Variants in ME3 observed in about 807,000 individuals in gnomAD.
The protein encoded by ME3 is NADP-dependent malic enzyme, mitochondrial.
ME3 carries 48 observed loss-of-function variants against 68.9 expected under a neutral mutation model. The observed-to-expected ratio is 0.70, with a 90% CI of 0.55 to 0.89. ME3 has a LOEUF of 0.89. Among genes scored for constraint, ME3 ranks in the 40% least tolerant of loss-of-function variants. The pLI is 0.00. For missense variants in ME3, 675 were observed against 797.4 expected (o/e 0.85, Z 1.85); for synonymous variants, 320 against 318.8 (o/e 1.00, Z -0.04).
chr11:86,470,438 C>CT (rs59633555), intron 7 of ME3, among the ~76,000 whole-genome samples: 5 of 151,718 alleles, frequency 3.3e-5, no homozygotes, highest in African/African-American at 4.8e-5. Context: ...AACTCTTGGT[C>CT]TTTTTTTTTC....
intron 4 of ME3, among the ~76,000 whole-genome samples, chr11:86,529,873 C>T (rs550148006): frequency 2.6e-5 from 4 of 152,232 alleles, no homozygotes; most frequent in African/African-American, 9.6e-5. Context: ...TAAGGGTTGT[C>T]TATGACAAAC....
At chr11:86,646,699 G>A (rs1945039266) in intron 2 of ME3, among the ~76,000 whole-genome samples, 1 of 152,016 alleles carries the variant, frequency 6.6e-6, no homozygotes. Context: ...GAAATGCAGA[G>A]AACAAAACTA....
At chr11:86,652,529 G>C (rs534740485) in intron 2 of ME3, among the ~76,000 whole-genome samples, 15 of 152,082 alleles carry the variant, frequency 9.9e-5, no homozygotes, top group East Asian at 3.9e-4. Context: ...AAATACTTGA[G>C]AGACAAGCAA....
chr11:86,653,197 G>C (rs1487435586), intron 2 of ME3, among the ~76,000 whole-genome samples: 1 of 152,050 alleles, frequency 6.6e-6, no homozygotes, highest in African/African-American at 2.4e-5. Context: ...GAGACAGAAA[G>C]TTAACAAGGA....
intron 2 of ME3, among the ~76,000 whole-genome samples, chr11:86,649,022 T>C (rs1945223704): frequency 6.6e-6 from 1 of 151,872 alleles, no homozygotes; most frequent in African/African-American, 2.4e-5. Context: ...AAAAAGAAAA[T>C]TTCAGGCCAA....
At chr11:86,548,394 A>G (rs1439263100) in intron 4 of ME3, among the ~76,000 whole-genome samples, 1 of 152,164 alleles carries the variant, frequency 6.6e-6, no homozygotes, top group Non-Finnish European at 1.5e-5. Context: ...TATGCTTTGG[A>G]AGGACTCCTC....
chr11:86,451,072 A>G (rs939013650), intron 8 of ME3, among the ~76,000 whole-genome samples: 10 of 152,230 alleles, frequency 6.6e-5, no homozygotes, highest in Admixed American at 3.9e-4. Context: ...GTTGGCACCA[A>G]CTAGAAGTGT....
chr11:86,448,175 C>T, exon 11 of ME3: 2 of 1,614,018 alleles, frequency 1.2e-6, no homozygotes, highest in Admixed American at 1.7e-5. Flanking sequence ...GCTTCACCAG[C>T]CTCACCACCT....
intron 2 of ME3, among the ~76,000 whole-genome samples, chr11:86,590,251 C>G (rs917609650): frequency 3.9e-5 from 6 of 152,218 alleles, no homozygotes; most frequent in Non-Finnish European, 7.3e-5. Context: ...CCTATCTACT[C>G]AGCATCTACT....
chr11:86,527,230 G>T (rs1954829180), intron 4 of ME3, among the ~76,000 whole-genome samples: 1 of 152,216 alleles, frequency 6.6e-6, no homozygotes, highest in Non-Finnish European at 1.5e-5. Flanking sequence ...ACAAGCCTCA[G>T]TAGCTGATTG....
At chr11:86,591,349 G>A (rs1959045960) in intron 2 of ME3, among the ~76,000 whole-genome samples, 1 of 152,196 alleles carries the variant, frequency 6.6e-6, no homozygotes, top group Non-Finnish European at 1.5e-5. Flanking sequence ...CTCACAATAT[G>A]ATTGTATTTA....
rs112665785 is a variant in ME3 at position 86,619,605 on chromosome 11, C to T, written c.183+52157G>A. Reference sequence around the variant, plus strand: ...GATCTGATGGTTTTATAAGGGGAAACCCCTTTTGCTTGGTTCTCATTCTTT... The same window carrying T: ...GATCTGATGGTTTTATAAGGGGAAATCCCTTTTGCTTGGTTCTCATTCTTT... On this transcript the variant is annotated intron_variant, in intron 2 of 14. Coordinates refer to ENST00000543262, the Ensembl canonical transcript of ME3. Among the ~76,000 whole-genome samples the T allele has an allele frequency of 5.3e-3, 810 of 152,282 alleles. 3 individuals are homozygous for T. Among genetic ancestry groups the T allele is most frequent in the African/African-American group, 0.018 (756 of 41,566 alleles).
intron 2 of ME3, among the ~76,000 whole-genome samples, chr11:86,663,336 C>T (rs925374965): frequency 6.6e-6 from 1 of 152,150 alleles, no homozygotes; most frequent in African/African-American, 2.4e-5. Flanking sequence ...TTACTCTTTA[C>T]TGTGTCCTTT....
intron 2 of ME3, among the ~76,000 whole-genome samples, chr11:86,641,339 C>A (rs1038358546): frequency 1.3e-5 from 2 of 152,184 alleles, no homozygotes; most frequent in South Asian, 4.1e-4. Context: ...GCTAATGAAG[C>A]ACTTCCTCTC....
At chr11:86,603,639 TGC>T (rs1961105684) in intron 2 of ME3, among the ~76,000 whole-genome samples, 2 of 152,078 alleles carry the variant, frequency 1.3e-5, no homozygotes, top group Admixed American at 6.6e-5. Context: ...TAAAGACACA[TGC>T]ATACATATGT....
chr11:86,535,127 G>A (rs1029783969), intron 4 of ME3, among the ~76,000 whole-genome samples: 1 of 152,104 alleles, frequency 6.6e-6, no homozygotes, highest in Non-Finnish European at 1.5e-5. Flanking sequence ...CATTTTACCT[G>A]TATTTGTCCT....
chr11:86,500,827 T>A (rs1952674924), intron 5 of ME3, among the ~76,000 whole-genome samples: 1 of 152,110 alleles, frequency 6.6e-6, no homozygotes, highest in Non-Finnish European at 1.5e-5. Flanking sequence ...GCAGCATAAA[T>A]CCTGCCCATT....
At chr11:86,490,747 C>T (rs1041337102) in intron 6 of ME3, among the ~76,000 whole-genome samples, 14 of 152,244 alleles carry the variant, frequency 9.2e-5, no homozygotes, top group Admixed American at 4.6e-4. Context: ...TTCACTTTGG[C>T]AGTTCTTACA....
chr11:86,540,222 A>G (rs527796079), intron 4 of ME3, among the ~76,000 whole-genome samples: 26 of 152,314 alleles, frequency 1.7e-4, no homozygotes, highest in African/African-American at 6.3e-4. Flanking sequence ...TTGTTAGGGA[A>G]AGGTGGTTAA....
Sources: gnomAD v4.1 joint callset for allele counts (sites outside exome capture counted in the v4.1 genomes callset) on GRCh38, gnomAD v4.1.1 for gene constraint, MANE v1.5 for transcripts, NCBI Gene and HGNC (gene_info 2026-07-23, HGNC 2026-07-21) for gene names.